SLC5A4: variants seen among roughly 807,000 people sequenced by gnomAD.
SLC5A4 encodes solute carrier family 5 member 4.
SLC5A4 carries 55 observed loss-of-function variants against 70.3 expected under a neutral mutation model. That is an observed-to-expected ratio of 0.78 (90% CI 0.63 to 0.98). SLC5A4 has a LOEUF of 0.98. Ranked by LOEUF, SLC5A4 falls within the 50% of genes least tolerant of loss-of-function variation. The pLI is 0.00. For missense variants in SLC5A4, 735 were observed against 839.2 expected (o/e 0.88, Z 1.53); for synonymous variants, 268 against 305.7 (o/e 0.88, Z 1.29).
the SLC5A4 span, among the ~76,000 whole-genome samples, chr22:32,325,330 GGTGA>G: frequency 1.3e-5 from 2 of 152,272 alleles, no homozygotes; most frequent in Admixed American, 6.5e-5. Context: ...CTGTGTCAGT[GGTGA>G]GTGTCTAGCA....
the SLC5A4 span, among the ~76,000 whole-genome samples, chr22:32,278,015 A>ACAGC: frequency 6.6e-6 from 1 of 151,700 alleles, no homozygotes; most frequent in East Asian, 1.9e-4. Context: ...ATGAAAGCAG[A>ACAGC]CAGCTTTGGT....
chr22:32,346,015 A>T, the SLC5A4 span, among the ~76,000 whole-genome samples: 1 of 152,220 alleles, frequency 6.6e-6, no homozygotes, highest in Non-Finnish European at 1.5e-5. Flanking sequence ...AACATACATT[A>T]AAAAATACAA....
rs756622715 is a variant in SLC5A4, at chr22:32,255,235, A to G, written c.95T>C (p.Ile32Thr). 9 of 1,613,880 alleles carry G rather than the reference A, an allele frequency of 5.6e-6. No homozygotes were observed. In the Admixed American group the frequency reaches 1.3e-4, roughly 24 times the overall value. ...CATCACCACCAGAAAATAGATGACA[A>G]TGACTGAGATGTCAGCAGCATTTCG... ...HIRNAADISVIVIYFLVVMAV... is the reference protein window; with the variant it reads ...HIRNAADISVTVIYFLVVMAV... Residue 32 changes from isoleucine to threonine, a missense_variant, in exon 1 of 15, where the codon ATT becomes ACT. Ile to Thr is a moderately conservative substitution (Grantham distance 89). Transcript: ENST00000266086.
the SLC5A4 span, among the ~76,000 whole-genome samples, chr22:32,292,675 G>C: frequency 3.2e-3 from 483 of 152,126 alleles, 3 homozygotes; most frequent in African/African-American, 0.011. Flanking sequence ...GAAGTTCACT[G>C]ATACTTGCTT....
chr22:32,330,526 GTC>G, the SLC5A4 span, among the ~76,000 whole-genome samples: 160 of 124,476 alleles, frequency 1.3e-3, 5 homozygotes, highest in Middle Eastern at 6.0e-3. Context: ...GGCTGTGTGT[GTC>G]TGTGTTGGGG....
chr22:32,227,094 C>A (rs1925447701), intron 11 of SLC5A4, among the ~76,000 whole-genome samples: 1 of 152,110 alleles, frequency 6.6e-6, no homozygotes, highest in Admixed American at 6.6e-5. Flanking sequence ...GGTAGCATAC[C>A]TTTATTAATT....
At chr22:32,345,878 T>C in the SLC5A4 span, among the ~76,000 whole-genome samples, 4 of 152,210 alleles carry the variant, frequency 2.6e-5, no homozygotes, top group African/African-American at 9.6e-5. Flanking sequence ...CTAATTTAAA[T>C]TGCCACAGAG....
chr22:32,236,656 C>A (rs1926074336), intron 7 of SLC5A4, among the ~76,000 whole-genome samples: 2 of 151,936 alleles, frequency 1.3e-5, no homozygotes, highest in African/African-American at 4.8e-5. Context: ...TTTGTCTGTC[C>A]TTAACACAAA....
At chr22:32,352,035 A>T in the SLC5A4 span, among the ~76,000 whole-genome samples, 1 of 152,042 alleles carries the variant, frequency 6.6e-6, no homozygotes, top group African/African-American at 2.4e-5. Context: ...CATGAAATTT[A>T]AAAAAGTCCA....
chr22:32,304,635 T>A, the SLC5A4 span, among the ~76,000 whole-genome samples: 1 of 152,242 alleles, frequency 6.6e-6, no homozygotes, highest in South Asian at 2.1e-4. Flanking sequence ...TAATGACCCT[T>A]TAGCAGCTGT....
chr22:32,311,514 G>A, the SLC5A4 span, among the ~76,000 whole-genome samples: 3 of 152,242 alleles, frequency 2.0e-5, no homozygotes, highest in Non-Finnish European at 4.4e-5. Context: ...GAGTGGAGGT[G>A]ATTAGCTCTG....
At chr22:32,258,513 T>C (rs1418128513), upstream of SLC5A4, among the ~76,000 whole-genome samples, 1 of 151,786 alleles carries the variant, frequency 6.6e-6, no homozygotes, top group Non-Finnish European at 1.5e-5. Flanking sequence ...GTCGGGAAAA[T>C]GCAGATCAAA....
At chr22:32,305,541 G>A in the SLC5A4 span, among the ~76,000 whole-genome samples, 1 of 148,780 alleles carries the variant, frequency 6.7e-6, no homozygotes, top group Non-Finnish European at 1.5e-5. Context: ...CAGATTTCAG[G>A]TGTTGAGGGC....
the SLC5A4 span, among the ~76,000 whole-genome samples, chr22:32,293,100 ATTGT>A: frequency 5.3e-5 from 8 of 151,956 alleles, no homozygotes; most frequent in Admixed American, 2.6e-4. Context: ...TTTTCTGTTT[ATTGT>A]TTGAGTTAGT....
the SLC5A4 span, chr22:32,268,560 A>G: frequency 6.5e-6 from 1 of 152,776 alleles, no homozygotes; most frequent in East Asian, 1.9e-4. Context: ...ATCAGAACCC[A>G]AAGACGCTGA....
intron 12 of SLC5A4, among the ~76,000 whole-genome samples, chr22:32,225,363 G>A (rs1055142940): frequency 1.3e-5 from 2 of 152,168 alleles, no homozygotes; most frequent in African/African-American, 4.8e-5. Flanking sequence ...AATACGATTA[G>A]GTGGTATAGC....
the SLC5A4 span, among the ~76,000 whole-genome samples, chr22:32,312,745 AGTT>A: frequency 6.6e-6 from 1 of 152,118 alleles, no homozygotes; most frequent in East Asian, 1.9e-4. Context: ...TCTCTGTAGA[AGTT>A]GTCCTTCTCG....
the SLC5A4 span, among the ~76,000 whole-genome samples, chr22:32,329,612 GGCTCTGGTGTGTGTGTT>G: frequency 1.4e-5 from 1 of 70,164 alleles, no homozygotes. Flanking sequence ...TGTGTGTGTT[GGCTCTGGTGTGTGTGTT>G]GGAGGGCTCT....
chr22:32,335,446 G>C, the SLC5A4 span, among the ~76,000 whole-genome samples: 10 of 152,216 alleles, frequency 6.6e-5, no homozygotes, highest in Admixed American at 5.9e-4. Context: ...TCCACACACA[G>C]AGTGGACAGA....
Sources: gnomAD v4.1 joint callset for allele counts (sites outside exome capture counted in the v4.1 genomes callset) on GRCh38, gnomAD v4.1.1 for gene constraint, MANE v1.5 for transcripts, NCBI Gene and HGNC (gene_info 2026-07-23, HGNC 2026-07-21) for gene names.